The following OLFM1 variants were observed in gnomAD, a reference collection of about 807,000 sequenced individuals.
OLFM1 encodes the protein olfactomedin 1.
OLFM1 carries 9 observed loss-of-function variants against 49.7 expected under a neutral mutation model. That is an observed-to-expected ratio of 0.18 (90% CI 0.11 to 0.32). The LOEUF is 0.32. Ranked by LOEUF, OLFM1 falls within the 10% of genes least tolerant of loss-of-function variation. OLFM1 has a pLI of 1.00. For missense variants in OLFM1, 369 were observed against 661.8 expected, an observed-to-expected ratio of 0.56 and a Z score of 4.85; for synonymous variants, 240 against 271.8, an observed-to-expected ratio of 0.88 and a Z score of 1.15.
intron 5 of OLFM1, among the ~76,000 whole-genome samples, chr9:135,118,449 C>CGGGTCTTT (rs1831128776): frequency 9.0e-6 from 1 of 111,300 alleles, no homozygotes; most frequent in African/African-American, 4.1e-5. Flanking sequence ...GAGTGCTCAC[C>CGGGTCTTT]AGGTCTTTAG....
At position 135,090,368 on chromosome 9, in the gene OLFM1, G is replaced by A. The variant is rs200331409; in HGVS notation, c.300+24G>A. ...AGGTGAGTCTGCGCAGAGTGTGTGAGTTTGTATGTGTGTGTGTTTGTGTGT... is the reference window on the plus strand; with the variant it reads ...AGGTGAGTCTGCGCAGAGTGTGTGAATTTGTATGTGTGTGTGTTTGTGTGT... On this transcript the variant is annotated intron_variant, in intron 2 of 5. Transcript: ENST00000371793. 4.3e-4 allele frequency: 649 copies of A among 1,498,868 alleles called. 2 individuals carry two copies. The African/African-American group carries it at 0.013, about 29-fold the overall frequency. The allele number at this position is 1,498,868 out of a possible 1,614,324, so 92.8% of individuals were successfully genotyped here.
rs370515842 is a variant in OLFM1, at chr9:135,101,968, G to GAGAA, written c.676+3463_676+3464insAGAA. On this transcript the variant is annotated intron_variant, in intron 4 of 5. Coordinates refer to ENST00000371793, the MANE Select transcript of OLFM1 (RefSeq NM_001282611.2). The stretch of plus-strand genomic sequence containing the variant: ...TAGTTTCTTTTTTTTCCCAAAGCCT[G>GAGAA]GGAAGCCCCCAGACACCCATAAGCA... Among the ~76,000 whole-genome samples the GAGAA allele has an allele frequency of 2.6e-3, 402 of 152,338 alleles. 13 individuals carry two copies. The South Asian group carries it at 0.059, about 22-fold the overall frequency.
rs1724153812 is a variant in OLFM1, at chr9:135,117,242, A to G, written c.784-2262A>G. ...GAAATCTCTTCTTCTGTAACCCCAA[A>G]CTTGGGCCATTACTGGGTTTGCTAT... On this transcript the variant is annotated intron_variant, in intron 5 of 5. Transcript: ENST00000371793. The surrounding 1 kb of genome is among the most constrained non-coding windows in gnomAD (Gnocchi z 5.5). Among the ~76,000 whole-genome samples the G allele has an allele frequency of 6.6e-6, 1 of 151,952 alleles. No individual in the cohort carries two copies. The highest frequency in any genetic ancestry group is 2.4e-5 in the African/African-American group (1 of 41,352).
intron 5 of OLFM1, among the ~76,000 whole-genome samples, chr9:135,109,352 T>C (rs1830990419): frequency 6.6e-6 from 1 of 152,248 alleles, no homozygotes; most frequent in Non-Finnish European, 1.5e-5. Context: ...GCGGTGCTGA[T>C]GGATGCTTTT....
chr9:135,078,856 C>A, intron 1 of OLFM1, among the ~76,000 whole-genome samples: 1 of 152,200 alleles, frequency 6.6e-6, no homozygotes, highest in South Asian at 2.1e-4. Context: ...ATTCTCACCC[C>A]GATCCCACCA....
chr9:135,096,767 C>T (rs1830804426), intron 3 of OLFM1, among the ~76,000 whole-genome samples: 1 of 152,236 alleles, frequency 6.6e-6, no homozygotes, highest in African/African-American at 2.4e-5. Context: ...GCAGTTTTCA[C>T]ATCTGACCTA....
At chr9:135,101,999 A>G (rs1460802289) in intron 4 of OLFM1, among the ~76,000 whole-genome samples, 1 of 152,220 alleles carries the variant, frequency 6.6e-6, no homozygotes, top group Non-Finnish European at 1.5e-5. Context: ...AAGCACAGAC[A>G]GAGCCTGGGC....
chr9:135,077,244 G>T lies in OLFM1; in HGVS notation c.96+1442G>T, dbSNP rs78166709. 9 of 1,485,462 alleles carry T rather than the reference G, an allele frequency of 6.1e-6. No individual in the cohort carries two copies. The East Asian group carries it at 2.2e-4, about 37-fold the overall frequency. The allele number at this position is 1,485,462 out of a possible 1,614,324, so 92.0% of individuals were successfully genotyped here. A position where few individuals can be genotyped will look rare whatever the true frequency, so the allele number is the denominator to read the frequency against. On this transcript the variant is annotated intron_variant, in intron 1 of 5. Transcript: ENST00000252854. The stretch of plus-strand genomic sequence containing the variant: ...ATTAGTGGCAAGCTGCCCCACAAAG[G>T]GCTATGCCTGTGTCTTATTGAGACA...
chr9:135,094,322 C>G lies in OLFM1; in HGVS notation c.301-1542C>G, dbSNP rs188293082. Among the ~76,000 whole-genome samples, 14 of 152,340 alleles carry G rather than the reference C, an allele frequency of 9.2e-5. No homozygotes were observed. In the East Asian group the frequency reaches 2.7e-3, roughly 29 times the overall value. On this transcript the variant is annotated intron_variant, in intron 2 of 5. Transcript: ENST00000371793. ...GCTCACTCCTAGGCAGACATTGTGC[C>G]AACAAAGTGACGTTGTTGTTTCCAA...
Position 135,075,816 on chromosome 9 carries a change from A to G in OLFM1, c.96+14A>G, listed in dbSNP as rs1167348163. ...GAACTCACTCAAGTACGTGCATCCAACGCCATTTTCCTCCCTGCCAGGCGC... is the reference window on the plus strand; with the variant it reads ...GAACTCACTCAAGTACGTGCATCCAGCGCCATTTTCCTCCCTGCCAGGCGC... On this transcript the variant is annotated intron_variant, in intron 1 of 5. Transcript: ENST00000252854. 9 of 1,596,336 alleles carry G rather than the reference A, an allele frequency of 5.6e-6. No homozygotes were observed. The East Asian group carries it at 1.6e-4, about 29-fold the overall frequency.
At chr9:135,082,385 T>C (rs1385847325) in intron 1 of OLFM1, among the ~76,000 whole-genome samples, 1 of 133,578 alleles carries the variant, frequency 7.5e-6, no homozygotes, top group Non-Finnish European at 1.6e-5. Context: ...TTCCCTACCA[T>C]ACAAAATGGC....
At chr9:135,115,854 T>A (rs1831089377) in intron 5 of OLFM1, among the ~76,000 whole-genome samples, 1 of 152,186 alleles carries the variant, frequency 6.6e-6, no homozygotes, top group Admixed American at 6.5e-5. Flanking sequence ...ATGTGATAAT[T>A]GAAGGCAAGA....
rs567760344 is a variant in OLFM1 at position 135,098,800 on chromosome 9, G to T, written c.676+295G>T. Among the ~76,000 whole-genome samples the T allele has an allele frequency of 6.6e-6, 1 of 152,192 alleles. No individual in the cohort carries two copies. Among genetic ancestry groups the T allele is most frequent in the Admixed American group, 6.5e-5 (1 of 15,274 alleles). On this transcript the variant is annotated intron_variant, in intron 4 of 5. Transcript: ENST00000371793. The surrounding 1 kb of genome is among the most constrained non-coding windows in gnomAD (Gnocchi z 5.6). ...CAGATTGTGTGTGTGTGTGTGAATCGTATGTGTGTGTGCATTGAAGACACC... is the reference window on the plus strand; with the variant it reads ...CAGATTGTGTGTGTGTGTGTGAATCTTATGTGTGTGTGCATTGAAGACACC...
intron 1 of OLFM1, among the ~76,000 whole-genome samples, chr9:135,082,575 A>C (rs1306066072): frequency 6.6e-6 from 1 of 152,114 alleles, no homozygotes. Context: ...TTTACCAACA[A>C]TTTGGCTGTC....
intron 5 of OLFM1, among the ~76,000 whole-genome samples, chr9:135,119,055 T>TG (rs1831145460): frequency 8.8e-6 from 1 of 113,234 alleles, no homozygotes; most frequent in Non-Finnish European, 2.3e-5. Flanking sequence ...AAGTGCTCAC[T>TG]GGATCTTTGG....
chr9:135,114,515 A>G (rs1831069941), intron 5 of OLFM1, among the ~76,000 whole-genome samples: 2 of 151,824 alleles, frequency 1.3e-5, no homozygotes, highest in Non-Finnish European at 2.9e-5. Context: ...TATTCAGTCT[A>G]CTATAAGAGT....
At position 135,113,824 on chromosome 9, in the gene OLFM1, C is replaced by T. The variant is rs909688664; in HGVS notation, c.784-5680C>T. Among the ~76,000 whole-genome samples the T allele has an allele frequency of 2.0e-5, 3 of 152,220 alleles. No individual in the cohort carries two copies. The highest frequency in any genetic ancestry group is 4.4e-5 in the Non-Finnish European group (3 of 68,046). On this transcript the variant is annotated intron_variant, in intron 5 of 5. Transcript: ENST00000371793. This position sits in a 1 kb window ranked among gnomAD's most constrained non-coding sequence, Gnocchi z 4.0. Reference sequence around the variant, plus strand: ...AAGCCCAAGAGGTGCCCTGTGGCTGCTGCAGGAGCTCCCACAGCCTGGGGG... The same window carrying T: ...AAGCCCAAGAGGTGCCCTGTGGCTGTTGCAGGAGCTCCCACAGCCTGGGGG...
rs1831111377 is a variant in OLFM1, at chr9:135,117,468, G to A, written c.784-2036G>A. 6.6e-6 allele frequency among the ~76,000 whole-genome samples: 1 copy of A among 152,228 alleles called. No homozygotes were observed. Among genetic ancestry groups the A allele is most frequent in the African/African-American group, 2.4e-5 (1 of 41,460 alleles). On this transcript the variant is annotated intron_variant, in intron 5 of 5. Coordinates refer to ENST00000371793, the MANE Select transcript of OLFM1 (RefSeq NM_001282611.2). The surrounding 1 kb of genome is among the most constrained non-coding windows in gnomAD (Gnocchi z 5.5). Reference sequence around the variant, plus strand: ...GGTGGGAGGAGAGGCCTTGAGCGTGGTGTCTTGTTGGGATATGGGAGCTGG... The same window carrying A: ...GGTGGGAGGAGAGGCCTTGAGCGTGATGTCTTGTTGGGATATGGGAGCTGG...
At chr9:135,099,885 A>G (rs988046801) in intron 4 of OLFM1, among the ~76,000 whole-genome samples, 1 of 151,970 alleles carries the variant, frequency 6.6e-6, no homozygotes, top group Non-Finnish European at 1.5e-5. Flanking sequence ...TGAGTGTTTG[A>G]CTTTCTAGGA....
Sources: allele counts gnomAD v4.1 joint callset (sites outside exome capture counted in the v4.1 genomes callset), GRCh38; gene constraint gnomAD v4.1.1; non-coding constraint Gnocchi (gnomAD v3.1); transcripts MANE v1.5; gene names NCBI Gene and HGNC (gene_info 2026-07-23, HGNC 2026-07-21).